The following CREB5 variants were observed in gnomAD, a reference collection of about 807,000 sequenced individuals.
CREB5 encodes the protein cAMP responsive element binding protein 5, also known as cyclic AMP-responsive element-binding protein 5.
In CREB5, 19 loss-of-function variants were observed where a neutral mutation model predicts 57.1. That is an observed-to-expected ratio of 0.33 (90% CI 0.23 to 0.49). The LOEUF (loss-of-function observed/expected upper bound fraction) is 0.49, where lower values mean the gene tolerates loss of function less well. Among genes scored for constraint, CREB5 ranks in the 20% least tolerant of loss-of-function variants. CREB5 has a pLI of 0.99. For synonymous variants in CREB5, 238 were observed against 238.3 expected, an observed-to-expected ratio of 1.00 and a Z score of 0.01; for missense variants, 579 against 671.6, an observed-to-expected ratio of 0.86 and a Z score of 1.52.
At chr7:28,384,201 T>A (rs901261686) in intron 1 of CREB5, among the ~76,000 whole-genome samples, 1 of 152,100 alleles carries the variant, frequency 6.6e-6, no homozygotes, top group Admixed American at 6.6e-5. Flanking sequence ...AGGACGAGCG[T>A]CTGTAGTTAG....
chr7:28,346,437 C>T (rs1385539327), intron 1 of CREB5, among the ~76,000 whole-genome samples: 1 of 152,236 alleles, frequency 6.6e-6, no homozygotes, highest in Non-Finnish European at 1.5e-5. Context: ...GGGCTCCACT[C>T]TCATGACCTA....
intron 4 of CREB5, among the ~76,000 whole-genome samples, chr7:28,541,125 G>C (rs1337670154): frequency 6.6e-6 from 1 of 152,104 alleles, no homozygotes; most frequent in Non-Finnish European, 1.5e-5. Context: ...GACCTAATTT[G>C]ATTGCTTGCA....
chr7:28,719,822 G>C (rs1175678698), intron 6 of CREB5, among the ~76,000 whole-genome samples: 1 of 152,186 alleles, frequency 6.6e-6, no homozygotes, highest in African/African-American at 2.4e-5. Flanking sequence ...AGCACTTTGG[G>C]AGGCCAAGGT....
At chr7:28,421,816 T>C (rs564301278) in intron 1 of CREB5, among the ~76,000 whole-genome samples, 1 of 147,764 alleles carries the variant, frequency 6.8e-6, no homozygotes, top group Admixed American at 6.8e-5. Context: ...ACCATATATA[T>C]AGTGTGCATA....
intron 5 of CREB5, among the ~76,000 whole-genome samples, chr7:28,716,694 C>T (rs1010606652): frequency 3.3e-5 from 5 of 152,158 alleles, no homozygotes; most frequent in Admixed American, 1.3e-4. Flanking sequence ...ACATTAAGAC[C>T]GGAGGATATC....
At chr7:28,607,549 GA>G (rs369600844) in intron 5 of CREB5, among the ~76,000 whole-genome samples, 22 of 152,264 alleles carry the variant, frequency 1.4e-4, no homozygotes, top group African/African-American at 5.1e-4. Flanking sequence ...TTATGGATTT[GA>G]AAAACATTAA....
chr7:28,510,097 A>C (rs1583556664), intron 4 of CREB5, among the ~76,000 whole-genome samples: 2 of 152,190 alleles, frequency 1.3e-5, no homozygotes, highest in African/African-American at 4.8e-5. Context: ...TGGAAGTCAC[A>C]GGGCAGGGAA....
intron 1 of CREB5, among the ~76,000 whole-genome samples, chr7:28,433,141 A>G (rs1788799337): frequency 6.6e-6 from 1 of 152,218 alleles, no homozygotes; most frequent in South Asian, 2.1e-4. Flanking sequence ...GCCATCTTGC[A>G]CATAACCCTT....
chr7:28,773,725 T>C (rs988174233), intron 7 of CREB5, among the ~76,000 whole-genome samples: 1 of 152,210 alleles, frequency 6.6e-6, no homozygotes, highest in African/African-American at 2.4e-5. Flanking sequence ...GTTTTAATTG[T>C]CACCCCTGTC....
intron 5 of CREB5, among the ~76,000 whole-genome samples, chr7:28,706,931 C>T (rs1164704074): frequency 2.0e-5 from 3 of 152,146 alleles, no homozygotes; most frequent in Non-Finnish European, 2.9e-5. Flanking sequence ...GATAGTGGAC[C>T]ATGAGGTAAC....
At chr7:28,423,139 C>T (rs931237132) in intron 1 of CREB5, among the ~76,000 whole-genome samples, 1 of 152,212 alleles carries the variant, frequency 6.6e-6, no homozygotes, top group South Asian at 2.1e-4. Flanking sequence ...ATGCTAGCCA[C>T]ATACACTTAT....
At position 28,412,757 on chromosome 7, in the gene CREB5, T is replaced by G. The variant is rs1407335090; in HGVS notation, c.-158T>G. ...ACCTGTTCTTTTTACTAAAAGCTAG[T>G]TTCACTATCTTCTGGTCTGAAATAC... On this transcript the variant is annotated 5_prime_UTR_variant, in exon 1 of 11. Coordinates refer to ENST00000357727, the MANE Select transcript of CREB5 (RefSeq NM_182898.4). 5.7e-6 allele frequency: 3 copies of G among 530,224 alleles called. No homozygotes were observed. The highest frequency in any genetic ancestry group is 9.1e-6 in the Non-Finnish European group (3 of 329,068). The allele number at this position is 530,224 out of a possible 1,614,324, so 32.8% of individuals were successfully genotyped here.
intron 5 of CREB5, among the ~76,000 whole-genome samples, chr7:28,692,002 C>G (rs1801290119): frequency 7.4e-6 from 1 of 135,964 alleles, no homozygotes; most frequent in South Asian, 2.4e-4. Context: ...AACCCCCTCT[C>G]TACTAAAATA....
At chr7:28,560,835 T>TGCGTGCGCGTGCGTGCGTGTGCGTGC (rs1450019513) in intron 4 of CREB5, among the ~76,000 whole-genome samples, 1 of 59,746 alleles carries the variant, frequency 1.7e-5, no homozygotes, top group Non-Finnish European at 4.1e-5. Context: ...CGCGCGCGCG[T>TGCGTGCGCGTGCGTGCGTGTGCGTGC]GTGTGTGTGC....
chr7:28,516,580 C>T (rs947821010), intron 4 of CREB5, among the ~76,000 whole-genome samples: 1 of 152,200 alleles, frequency 6.6e-6, no homozygotes, highest in Non-Finnish European at 1.5e-5. Flanking sequence ...GCCCTGCCCT[C>T]CCATCAGGCA....
rs1562755862 is a variant in CREB5 at position 28,495,012 on chromosome 7, C to G, written c.169+13C>G. The G allele has an allele frequency of 1.9e-6, 3 of 1,569,816 alleles. No homozygotes were observed. Among genetic ancestry groups the G allele is most frequent in the Non-Finnish European group, 2.6e-6 (3 of 1,160,676 alleles). On this transcript the variant is annotated intron_variant, in intron 3 of 10. Coordinates refer to ENST00000357727, the MANE Select transcript of CREB5 (RefSeq NM_182898.4). ...AATATGTTATCAGGTAAGGAGCCAT[C>G]AGGAAAAGAAGCTTTGGGTGATCAG...
At chr7:28,306,097 G>A (rs749283392) in intron 1 of CREB5, among the ~76,000 whole-genome samples, 53 of 152,110 alleles carry the variant, frequency 3.5e-4, no homozygotes, top group Non-Finnish European at 5.4e-4. Flanking sequence ...TGTGCCACCT[G>A]TTTGAGAAAG....
At chr7:28,531,956 G>T (rs958371460) in intron 4 of CREB5, among the ~76,000 whole-genome samples, 5 of 152,228 alleles carry the variant, frequency 3.3e-5, no homozygotes, top group Non-Finnish European at 5.9e-5. Context: ...TTGAACCCAG[G>T]AGGCGGAGGT....
intron 5 of CREB5, among the ~76,000 whole-genome samples, chr7:28,639,394 C>T (rs1798559788): frequency 6.6e-6 from 1 of 152,138 alleles, no homozygotes; most frequent in South Asian, 2.1e-4. Flanking sequence ...ATTTTGTGTC[C>T]TAAGAGCTAA....
Sources: allele counts gnomAD v4.1 joint callset (sites outside exome capture counted in the v4.1 genomes callset), GRCh38; gene constraint gnomAD v4.1.1; transcripts MANE v1.5; gene names NCBI Gene and HGNC (gene_info 2026-07-23, HGNC 2026-07-21).